The following VAV3 variants were observed in gnomAD, a reference collection of about 807,000 sequenced individuals.
VAV3 encodes the protein guanine nucleotide exchange factor VAV3.
Under a neutral mutation model 131.2 loss-of-function variants are expected in VAV3, and 94 were observed. The observed-to-expected ratio is 0.72, with a 90% CI of 0.61 to 0.85. The LOEUF (loss-of-function observed/expected upper bound fraction) is 0.85. Ranked by LOEUF, VAV3 falls within the 40% of genes least tolerant of loss-of-function variation. The pLI is 0.00. For missense variants in VAV3, 939 were observed against 1,002.7 expected (o/e 0.94, Z 0.86); for synonymous variants, 349 against 342.0 (o/e 1.02, Z -0.22).
At chr1:107,910,438 T>C (rs901180089) in intron 1 of VAV3, among the ~76,000 whole-genome samples, 4 of 152,218 alleles carry the variant, frequency 2.6e-5, no homozygotes, top group Non-Finnish European at 5.9e-5. Context: ...TAAAATATTA[T>C]ATGCTATTTG....
At chr1:107,609,547 A>AAAT (rs545573203) in intron 22 of VAV3, 3,701 of 132,184 alleles carry the variant, frequency 0.028, 68 homozygotes, top group Non-Finnish European at 0.036. Context: ...AAACTATAAA[A>AAAT]AATAAAAAAA....
intron 15 of VAV3, among the ~76,000 whole-genome samples, chr1:107,724,088 T>A (rs528673624): frequency 1.1e-4 from 17 of 152,202 alleles, no homozygotes; most frequent in African/African-American, 3.6e-4. Context: ...GAAATTAATA[T>A]GTGAGTCATG....
chr1:107,927,049 T>C (rs998186239), intron 1 of VAV3, among the ~76,000 whole-genome samples: 2 of 152,192 alleles, frequency 1.3e-5, no homozygotes, highest in Non-Finnish European at 2.9e-5. Context: ...TCCTTCCCTT[T>C]GCTTCAGCAG....
intron 22 of VAV3, among the ~76,000 whole-genome samples, chr1:107,603,449 A>G (rs1652022111): frequency 6.6e-6 from 1 of 152,168 alleles, no homozygotes; most frequent in Non-Finnish European, 1.5e-5. Flanking sequence ...GGGTAAAAAG[A>G]CAGTTGTGGG....
chr1:107,934,150 T>G (rs1434942559), intron 1 of VAV3, among the ~76,000 whole-genome samples: 1 of 152,242 alleles, frequency 6.6e-6, no homozygotes, highest in Admixed American at 6.5e-5. Context: ...CTTGGAATTA[T>G]AAGAACTCTA....
chr1:107,604,067 C>A (rs771833687), intron 22 of VAV3, among the ~76,000 whole-genome samples: 1 of 146,054 alleles, frequency 6.8e-6, no homozygotes, highest in Admixed American at 6.8e-5. Flanking sequence ...TTAAAATAAT[C>A]TTTAATGACC....
chr1:107,961,582 A>C (rs1051540408), intron 1 of VAV3, among the ~76,000 whole-genome samples: 3 of 152,268 alleles, frequency 2.0e-5, no homozygotes, highest in African/African-American at 7.2e-5. Context: ...ATATAATAAG[A>C]GGAACATGTT....
At chr1:107,783,454 AG>A in intron 2 of VAV3, among the ~76,000 whole-genome samples, 1 of 152,250 alleles carries the variant, frequency 6.6e-6, no homozygotes, top group Middle Eastern at 3.4e-3. Context: ...ATGCTCTGTG[AG>A]GGCTAAGGGA....
chr1:107,718,095 A>G (rs1343277731), intron 15 of VAV3, among the ~76,000 whole-genome samples: 1 of 152,188 alleles, frequency 6.6e-6, no homozygotes, highest in Non-Finnish European at 1.5e-5. Context: ...CCCACAGCCA[A>G]TATCATACTG....
intron 1 of VAV3, among the ~76,000 whole-genome samples, chr1:107,961,459 A>G (rs1417918302): frequency 6.6e-6 from 1 of 152,162 alleles, no homozygotes; most frequent in Non-Finnish European, 1.5e-5. Flanking sequence ...TCCTGGCTAG[A>G]ATACTGTTTC....
chr1:107,635,718 T>C (rs1654879068), intron 20 of VAV3, among the ~76,000 whole-genome samples: 1 of 152,174 alleles, frequency 6.6e-6, no homozygotes, highest in South Asian at 2.1e-4. Context: ...TTAATTAGCA[T>C]AAAGACAGCC....
intron 19 of VAV3, among the ~76,000 whole-genome samples, chr1:107,644,540 T>C (rs1655583823): frequency 6.6e-6 from 1 of 152,080 alleles, no homozygotes; most frequent in Admixed American, 6.6e-5. Flanking sequence ...CTGGGGCCAG[T>C]TCTGAGCCGT....
intron 15 of VAV3, among the ~76,000 whole-genome samples, chr1:107,736,625 T>C (rs899672450): frequency 1.6e-4 from 24 of 152,026 alleles, no homozygotes; most frequent in African/African-American, 5.6e-4. Flanking sequence ...GAGAATAAAA[T>C]ACCTAGGAAT....
intron 19 of VAV3, among the ~76,000 whole-genome samples, chr1:107,668,382 A>G (rs1401635152): frequency 6.6e-6 from 1 of 152,232 alleles, no homozygotes; most frequent in East Asian, 1.9e-4. Flanking sequence ...TATTACTTAC[A>G]TGAATTTGGA....
intron 22 of VAV3, 124 bp downstream of exon 22, chr1:107,609,807 C>A: frequency 1.0e-6 from 1 of 980,178 alleles, no homozygotes; most frequent in East Asian, 2.4e-5. Flanking sequence ...TTTGTTACAT[C>A]TGAAAACACC....
chr1:107,720,715 C>T (rs1661444793), intron 15 of VAV3, among the ~76,000 whole-genome samples: 1 of 152,128 alleles, frequency 6.6e-6, no homozygotes, highest in African/African-American at 2.4e-5. Context: ...ACATTCTAGG[C>T]CCAGTGGGAC....
intron 8 of VAV3, among the ~76,000 whole-genome samples, chr1:107,766,167 T>G (rs1216298633): frequency 6.6e-6 from 1 of 152,190 alleles, no homozygotes; most frequent in Non-Finnish European, 1.5e-5. Flanking sequence ...TCAGTAATGA[T>G]AAAGCCTGTA....
At chr1:107,766,799 G>GA (rs1664757104) in intron 7 of VAV3, among the ~76,000 whole-genome samples, 1 of 151,682 alleles carries the variant, frequency 6.6e-6, no homozygotes, top group African/African-American at 2.4e-5. Context: ...AAGGAAAGGA[G>GA]AAAAAAGAAG....
intron 24 of VAV3, 43 bp from the exon 25 acceptor site, chr1:107,596,384 T>C: frequency 6.2e-7 from 1 of 1,603,258 alleles, no homozygotes; most frequent in Non-Finnish European, 8.5e-7. Context: ...AAGGATACTT[T>C]TGTTCTCAAA....
Sources: allele counts gnomAD v4.1 joint callset (sites outside exome capture counted in the v4.1 genomes callset), GRCh38; gene constraint gnomAD v4.1.1; transcripts MANE v1.5; gene names NCBI Gene and HGNC (gene_info 2026-07-23, HGNC 2026-07-21).